MKLN1: variants seen among roughly 807,000 people sequenced by gnomAD.
The protein encoded by MKLN1 is muskelin 1, also known as muskelin.
In MKLN1, 18 loss-of-function variants were observed where a neutral mutation model predicts 99.0. That is an observed-to-expected ratio of 0.18 (90% CI 0.13 to 0.27). MKLN1 has a LOEUF of 0.27. Among genes scored for constraint, MKLN1 ranks in the 10% least tolerant of loss-of-function variants. The pLI is 1.00. For synonymous variants in MKLN1, 288 were observed against 293.2 expected (o/e 0.98, Z 0.18); for missense variants, 621 against 875.9 (o/e 0.71, Z 3.67).
At chr7:131,346,534 A>C (rs1410744134) in intron 1 of MKLN1, among the ~76,000 whole-genome samples, 4 of 141,596 alleles carry the variant, frequency 2.8e-5, no homozygotes, top group South Asian at 2.2e-4. Flanking sequence ...AAAAAAAAAA[A>C]CCCAAAAAAC....
chr7:131,401,237 G>A (rs963281575), intron 6 of MKLN1, among the ~76,000 whole-genome samples: 2 of 152,174 alleles, frequency 1.3e-5, no homozygotes, highest in Admixed American at 1.3e-4. Flanking sequence ...GAAAGTGTAA[G>A]GCTCTATTTA....
intron 8 of MKLN1, among the ~76,000 whole-genome samples, chr7:131,422,120 C>G (rs1474812777): frequency 6.6e-6 from 1 of 152,110 alleles, no homozygotes; most frequent in Non-Finnish European, 1.5e-5. Context: ...TTTAAGTATG[C>G]ATTTTAAAGT....
intron 3 of MKLN1, among the ~76,000 whole-genome samples, chr7:131,279,441 G>A (rs1460303687): frequency 1.3e-5 from 2 of 152,160 alleles, no homozygotes; most frequent in Non-Finnish European, 1.5e-5. Context: ...TCAAAACTGG[G>A]TCATATTTTT....
chr7:131,379,337 A>G (rs1173119642), intron 2 of MKLN1, among the ~76,000 whole-genome samples: 1 of 152,166 alleles, frequency 6.6e-6, no homozygotes, highest in Middle Eastern at 3.2e-3. Flanking sequence ...AAATGGCAGA[A>G]CCCCTTCCAG....
intron 12 of MKLN1, among the ~76,000 whole-genome samples, chr7:131,455,303 A>G (rs766389353): frequency 2.0e-5 from 3 of 152,130 alleles, no homozygotes; most frequent in Non-Finnish European, 4.4e-5. Context: ...TATTCTGACA[A>G]TCTCTCCCAT....
At chr7:131,393,384 A>G (rs562283270) in intron 4 of MKLN1, among the ~76,000 whole-genome samples, 1 of 152,354 alleles carries the variant, frequency 6.6e-6, no homozygotes, top group Admixed American at 6.5e-5. Flanking sequence ...GTGAGTGGAC[A>G]TCATTCTGCT....
At chr7:131,152,474 T>TTTG (rs1014293157) in intron 2 of MKLN1, among the ~76,000 whole-genome samples, 1 of 151,246 alleles carries the variant, frequency 6.6e-6, no homozygotes, top group East Asian at 1.9e-4. Context: ...ATAACTTACT[T>TTTG]TTGTTGTTGT....
At chr7:131,446,842 T>C (rs1030534476) in intron 12 of MKLN1, among the ~76,000 whole-genome samples, 2 of 152,128 alleles carry the variant, frequency 1.3e-5, no homozygotes, top group African/African-American at 4.8e-5. Context: ...GAGACGGACA[T>C]GGGAGGATTG....
At chr7:131,394,599 G>T (rs977446578) in intron 4 of MKLN1, among the ~76,000 whole-genome samples, 1 of 151,994 alleles carries the variant, frequency 6.6e-6, no homozygotes, top group Non-Finnish European at 1.5e-5. Context: ...TTCCTAACAG[G>T]CCAGGGACCT....
intron 3 of MKLN1, among the ~76,000 whole-genome samples, chr7:131,239,910 G>T (rs1161361686): frequency 6.6e-6 from 1 of 152,106 alleles, no homozygotes; most frequent in East Asian, 1.9e-4. Flanking sequence ...GGCCAGGCTT[G>T]GTGGCTCACG....
intron 1 of MKLN1, among the ~76,000 whole-genome samples, chr7:131,364,405 C>G (rs1315471719): frequency 6.6e-6 from 1 of 151,358 alleles, no homozygotes; most frequent in African/African-American, 2.4e-5. Flanking sequence ...TTTTACCAAA[C>G]TGATTAATCT....
intron 2 of MKLN1, among the ~76,000 whole-genome samples, chr7:131,181,040 G>A (rs1427750365): frequency 1.3e-5 from 2 of 152,110 alleles, no homozygotes; most frequent in South Asian, 2.1e-4. Flanking sequence ...ATATTTTGGG[G>A]GTAAATTGAC....
intron 4 of MKLN1, among the ~76,000 whole-genome samples, chr7:131,394,057 A>G (rs1475456813): frequency 6.6e-6 from 1 of 150,880 alleles, no homozygotes; most frequent in East Asian, 1.9e-4. Context: ...ATACTACTAG[A>G]TGGTTATTGC....
At chr7:131,288,409 C>A (rs1350363841) in intron 3 of MKLN1, among the ~76,000 whole-genome samples, 3 of 152,150 alleles carry the variant, frequency 2.0e-5, no homozygotes, top group Non-Finnish European at 4.4e-5. Context: ...TTCCCACCAC[C>A]CTCCCTACAT....
intron 7 of MKLN1, among the ~76,000 whole-genome samples, chr7:131,411,894 GA>G (rs1794886800): frequency 1.1e-5 from 1 of 94,568 alleles, no homozygotes; most frequent in Admixed American, 1.2e-4. Flanking sequence ...GAGACAGATG[GA>G]GATTCCATCT....
At chr7:131,388,699 T>C (rs907484752) in intron 3 of MKLN1, among the ~76,000 whole-genome samples, 185 bp from the exon 4 acceptor site, 2 of 152,228 alleles carry the variant, frequency 1.3e-5, no homozygotes, top group African/African-American at 4.8e-5. Context: ...CCAGTTATAA[T>C]GCTGTTGATT....
intron 3 of MKLN1, among the ~76,000 whole-genome samples, chr7:131,272,833 T>C (rs1034577135): frequency 2.0e-5 from 3 of 152,138 alleles, no homozygotes; most frequent in Admixed American, 6.6e-5. Flanking sequence ...CCAGCCCCCA[T>C]GGTTCAATTA....
intron 12 of MKLN1, among the ~76,000 whole-genome samples, chr7:131,458,871 T>C (rs1175962844): frequency 1.3e-5 from 2 of 152,198 alleles, no homozygotes; most frequent in Non-Finnish European, 2.9e-5. Flanking sequence ...TAGCATTCAT[T>C]GTTACTGATA....
chr7:131,328,356 G>A (rs1249033792), intron 1 of MKLN1: 1 of 267,772 alleles, frequency 3.7e-6, no homozygotes, highest in Non-Finnish European at 7.3e-6. Flanking sequence ...GGCCCTGCCC[G>A]CGGGCAAACT....
Sources: gnomAD v4.1 joint callset for allele counts (sites outside exome capture counted in the v4.1 genomes callset) on GRCh38, gnomAD v4.1.1 for gene constraint, MANE v1.5 for transcripts, NCBI Gene and HGNC (gene_info 2026-07-23, HGNC 2026-07-21) for gene names.